NCALD: variants seen among roughly 807,000 people sequenced by gnomAD.
The protein encoded by NCALD is neurocalcin-delta.
NCALD carries 10 observed loss-of-function variants against 18.6 expected under a neutral mutation model. The observed-to-expected ratio is 0.54, with a 90% CI of 0.33 to 0.91. NCALD has a LOEUF of 0.91. NCALD is among the 40% of genes least tolerant of loss of function. The probability of loss-of-function intolerance (pLI) is 0.03; values close to 1 mark genes in which losing one functional copy is unlikely to be tolerated. For synonymous variants in NCALD, 88 were observed against 87.4 expected (o/e 1.01, Z -0.04); for missense variants, 184 against 247.6 (o/e 0.74, Z 1.72).
intron 2 of NCALD, among the ~76,000 whole-genome samples, chr8:101,945,553 T>C (rs1237333940): frequency 6.6e-6 from 1 of 152,168 alleles, no homozygotes; most frequent in Non-Finnish European, 1.5e-5. Context: ...GATGAAGAGA[T>C]TGATACAGAG....
At chr8:101,740,076 C>A (rs1334442755) in intron 1 of NCALD, among the ~76,000 whole-genome samples, 1 of 152,098 alleles carries the variant, frequency 6.6e-6, no homozygotes, top group East Asian at 1.9e-4. Context: ...TTATTAAAAC[C>A]CAATTTTGTC....
intron 3 of NCALD, among the ~76,000 whole-genome samples, chr8:101,900,608 C>A (rs1396803742): frequency 2.6e-5 from 4 of 151,818 alleles, no homozygotes; most frequent in African/African-American, 7.2e-5. Context: ...TTCTTTTTGA[C>A]CTACAGATTC....
intron 1 of NCALD, among the ~76,000 whole-genome samples, chr8:101,759,688 A>T (rs552518972): frequency 2.0e-5 from 3 of 152,166 alleles, no homozygotes; most frequent in Non-Finnish European, 4.4e-5. Flanking sequence ...CTCAAAGAAG[A>T]CCAGACAAAA....
At chr8:102,100,908 AGTT>A (rs1454160407) in intron 1 of NCALD, among the ~76,000 whole-genome samples, 2 of 147,918 alleles carry the variant, frequency 1.4e-5, no homozygotes, top group East Asian at 2.0e-4. Context: ...GGAAGTGGGG[AGTT>A]GTTGTTTGAT....
intron 1 of NCALD, among the ~76,000 whole-genome samples, chr8:102,028,359 T>C (rs1277546949): frequency 6.6e-6 from 1 of 152,232 alleles, no homozygotes; most frequent in Non-Finnish European, 1.5e-5. Flanking sequence ...TAGGTTAATT[T>C]TTTAAATAAA....
At chr8:101,965,625 G>A (rs1254721243) in intron 2 of NCALD, among the ~76,000 whole-genome samples, 1 of 152,108 alleles carries the variant, frequency 6.6e-6, no homozygotes, top group East Asian at 1.9e-4. Flanking sequence ...GGGGTGGGGG[G>A]CCAGGGGAGG....
chr8:101,724,677 C>T (rs1231308145), intron 1 of NCALD, among the ~76,000 whole-genome samples: 1 of 152,208 alleles, frequency 6.6e-6, no homozygotes, highest in East Asian at 1.9e-4. Flanking sequence ...TCCTATTAAA[C>T]TTTCACAACC....
At chr8:102,098,634 C>T (rs1206298569) in intron 1 of NCALD, among the ~76,000 whole-genome samples, 1 of 152,208 alleles carries the variant, frequency 6.6e-6, no homozygotes, top group Non-Finnish European at 1.5e-5. Context: ...TGTCATTCAC[C>T]CTAAAAGAAA....
chr8:102,113,488 T>C (rs1825695962), intron 1 of NCALD, among the ~76,000 whole-genome samples: 1 of 152,226 alleles, frequency 6.6e-6, no homozygotes, highest in Non-Finnish European at 1.5e-5. Context: ...TAAACATATT[T>C]TTGCCTATGT....
intron 2 of NCALD, among the ~76,000 whole-genome samples, chr8:102,019,523 G>A (rs1012185733): frequency 3.9e-5 from 6 of 152,258 alleles, no homozygotes; most frequent in Non-Finnish European, 5.9e-5. Context: ...AAATCAGTTA[G>A]TAAAATTTCT....
intron 1 of NCALD, among the ~76,000 whole-genome samples, chr8:102,120,180 C>T (rs1180649484): frequency 6.6e-6 from 1 of 152,162 alleles, no homozygotes; most frequent in African/African-American, 2.4e-5. Flanking sequence ...AGAGGGAATG[C>T]TAACAGTCCT....
intron 2 of NCALD, among the ~76,000 whole-genome samples, chr8:102,019,248 A>G (rs1428773507): frequency 6.6e-6 from 1 of 152,098 alleles, no homozygotes; most frequent in East Asian, 1.9e-4. Flanking sequence ...TTAACTAAAA[A>G]AACAAAAACA....
intron 4 of NCALD, among the ~76,000 whole-genome samples, chr8:101,810,599 T>A (rs1563791531): frequency 6.6e-6 from 1 of 152,204 alleles, no homozygotes; most frequent in African/African-American, 2.4e-5. Flanking sequence ...TAGCATCTGA[T>A]GACAGTATAA....
chr8:101,719,702 C>A, intron 1 of NCALD, 54 bp from the exon 2 acceptor site: 1 of 1,439,920 alleles, frequency 6.9e-7, no homozygotes, highest in Non-Finnish European at 9.3e-7. Flanking sequence ...TTTAGGGCTG[C>A]ATTTTATAAT....
chr8:101,747,225 C>G (rs989612117), intron 1 of NCALD, among the ~76,000 whole-genome samples: 14 of 152,258 alleles, frequency 9.2e-5, no homozygotes, highest in Middle Eastern at 3.4e-3. Flanking sequence ...CAGGCAAAAT[C>G]TGGTTGGTCT....
rs556630855 is a variant in NCALD, at chr8:101,783,363, C to G, written c.-20+7499G>C. ...TGAGGATTTCAAATGCTAGATTTGA[C>G]CAACACATGGAGCCACAGACCAATG... On this transcript the variant is annotated intron_variant, in intron 1 of 3. Transcript: ENST00000220931. 1.5e-3 allele frequency among the ~76,000 whole-genome samples: 223 copies of G among 152,268 alleles called. 1 individual carries two copies. Among genetic ancestry groups the G allele is most frequent in the Non-Finnish European group, 2.4e-3 (162 of 68,020 alleles).
chr8:102,054,829 CCTCTGTCTCTATAT>C (rs1274668665), intron 1 of NCALD, among the ~76,000 whole-genome samples: 1 of 152,024 alleles, frequency 6.6e-6, no homozygotes, highest in Non-Finnish European at 1.5e-5. Flanking sequence ...TATATTTCTT[CCTCTGTCTCTATAT>C]CTCTGTCTCT....
chr8:101,936,064 TTTGA>T (rs1339491522), intron 2 of NCALD, among the ~76,000 whole-genome samples: 5 of 152,154 alleles, frequency 3.3e-5, no homozygotes, highest in African/African-American at 1.2e-4. Context: ...GTGGAAGTTC[TTTGA>T]TTGCCTCATC....
chr8:101,786,306 A>G (rs186035431), intron 1 of NCALD, among the ~76,000 whole-genome samples: 75 of 152,332 alleles, frequency 4.9e-4, no homozygotes, highest in Non-Finnish European at 1.6e-4. Context: ...TCTCTATGCC[A>G]GCAGCATATC....
Sources: gnomAD v4.1 joint callset for allele counts (sites outside exome capture counted in the v4.1 genomes callset) on GRCh38, gnomAD v4.1.1 for gene constraint, MANE v1.5 for transcripts, NCBI Gene and HGNC (gene_info 2026-07-23, HGNC 2026-07-21) for gene names.